Variants in SZT2 observed in about 807,000 individuals in gnomAD.
The protein encoded by SZT2 is KICSTOR complex protein SZT2.
SZT2 carries 216 observed loss-of-function variants against 404.2 expected under a neutral mutation model. The observed-to-expected ratio is 0.53, with a 90% confidence interval of 0.48 to 0.60. SZT2 has a LOEUF of 0.60. Among genes scored for constraint, SZT2 ranks in the 20% least tolerant of loss-of-function variants. The pLI, the probability that SZT2 is intolerant of heterozygous loss-of-function variation, is 0.00. For synonymous variants in SZT2, 1,693 were observed against 1,749.9 expected (o/e 0.97, Z 0.81); for missense variants, 3,857 against 4,459.2 (o/e 0.86, Z 3.85).
chr1:43,428,644 T>C, intron 28 of SZT2, 158 bp downstream of exon 28: 1 of 1,020,970 alleles, frequency 9.8e-7, no homozygotes, highest in Non-Finnish European at 1.4e-6. Flanking sequence ...CATGCAGCCT[T>C]CCTCACCAAT....
intron 62 of SZT2, among the ~76,000 whole-genome samples, chr1:43,444,664 C>A (rs944983209): frequency 6.6e-6 from 1 of 152,152 alleles, no homozygotes; most frequent in Non-Finnish European, 1.5e-5. Context: ...CTCCCCTGAG[C>A]TCAGGGACAA....
At position 43,416,018 on chromosome 1, in the gene SZT2, T is replaced by C. The variant is rs1651680621; in HGVS notation, c.689T>C (p.Met230Thr). 1 of 1,598,238 alleles carries C rather than the reference T, an allele frequency of 6.3e-7. No individual in the cohort carries two copies. Among genetic ancestry groups the C allele is most frequent in the African/African-American group, 1.3e-5 (1 of 74,924 alleles). ...CTGGGCCGGAAGGTAGGCGTCTCCA[T>C]GGTGACAGCTGATCTTGGGCTGGTC... is the stretch of plus-strand genomic sequence containing the variant. Reference protein sequence around the residue: ...DLLGRKVGVSMVTADLGLVSM... With the variant: ...DLLGRKVGVSTVTADLGLVSM... Residue 230 changes from methionine (M) to threonine (T), a missense_variant, in exon 6 of 72, where the codon ATG becomes ACG. Physicochemically the swap from Met to Thr is moderately conservative, Grantham distance 81. Transcript: ENST00000634258.
In SZT2 at chr1:43,427,620, C is replaced by T. The variant is rs553638915; in HGVS notation, c.3689C>T (p.Ala1230Val). The T allele has an allele frequency of 2.4e-5, 38 of 1,614,094 alleles. No individual in the cohort carries two copies. The highest frequency in any genetic ancestry group is 7.7e-5 in the South Asian group (7 of 91,092). The change falls in exon 26 of 72, where the codon GCG (alanine) becomes GTG (valine). Residue 1230 changes from alanine (A) to valine (V), a missense_variant. Physicochemically the swap from Ala to Val is moderately conservative, Grantham distance 64. Coordinates refer to ENST00000634258, the MANE Select transcript of SZT2 (RefSeq NM_001365999.1). The part of the protein sequence containing the change: ...AGRQASQTES[A>V]DGPRTRCPVY... Reference sequence around the variant, plus strand: ...CGTCAGGCTTCCCAGACAGAGAGTGCGGATGGGCCCCGGACCCGGTGTCCT... The same window carrying T: ...CGTCAGGCTTCCCAGACAGAGAGTGTGGATGGGCCCCGGACCCGGTGTCCT...
chr1:43,410,538 GA>G (rs1650897830), intron 4 of SZT2: 1 of 114,944 alleles, frequency 8.7e-6, no homozygotes, highest in Non-Finnish European at 1.7e-5. Flanking sequence ...CTGGCCGACA[GA>G]GTAAGACTCT....
intron 1 of SZT2, among the ~76,000 whole-genome samples, chr1:43,400,571 T>C (rs958235059): frequency 3.9e-5 from 6 of 152,182 alleles, no homozygotes; most frequent in African/African-American, 1.4e-4. Flanking sequence ...TGAGCTTACT[T>C]AGGTAAAAAA....
At position 43,451,821 on chromosome 1, in the gene SZT2, T is replaced by C. The variant is rs758908757; in HGVS notation, c.*1341T>C. 1.2e-6 allele frequency: 2 copies of C among 1,614,056 alleles called. No individual in the cohort carries two copies. Among genetic ancestry groups the C allele is most frequent in the Non-Finnish European group, 1.7e-6 (2 of 1,179,962 alleles). The stretch of plus-strand genomic sequence containing the variant: ...ACCATTTGTAATTGGAGGTTGGGTC[T>C]TCCTACCTTCTGTAAGATGGCTGCC... On this transcript the variant is annotated 3_prime_UTR_variant, in exon 72 of 72. Coordinates refer to ENST00000634258, the MANE Select transcript of SZT2 (RefSeq NM_001365999.1).
chr1:43,389,912 C>G lies in SZT2; in HGVS notation c.-57C>G. 6.5e-7 allele frequency: 1 copy of G among 1,547,454 alleles called. No individual in the cohort carries two copies. Among genetic ancestry groups the G allele is most frequent in the Non-Finnish European group, 8.7e-7 (1 of 1,148,372 alleles). ...CTGCTGGGTGCCGAGGTAGCGAGGT[C>G]AGGGGTCAAGAGTGGAACACCCTCA... On this transcript the variant is annotated 5_prime_UTR_variant, in exon 1 of 72. Coordinates refer to ENST00000634258, the MANE Select transcript of SZT2 (RefSeq NM_001365999.1).
chr1:43,422,947 C>T, intron 14 of SZT2, 64 bp downstream of exon 14: 1 of 1,510,010 alleles, frequency 6.6e-7, no homozygotes, highest in Non-Finnish European at 8.9e-7. Context: ...TCCCTCTCCC[C>T]AAACCCCACA....
At chr1:43,408,951 C>T (rs149876103) in intron 4 of SZT2, among the ~76,000 whole-genome samples, 3 of 152,046 alleles carry the variant, frequency 2.0e-5, no homozygotes, top group South Asian at 2.1e-4. Flanking sequence ...GCAGGTTGTA[C>T]GAGTGTGATG....
At chr1:43,393,995 T>G in intron 1 of SZT2, 1 of 727,652 alleles carries the variant, frequency 1.4e-6, no homozygotes, top group Non-Finnish European at 1.7e-6. Context: ...CAGATTTGAA[T>G]CCAGGTCCCT....
chr1:43,448,714 G>A lies in SZT2; in HGVS notation c.10072G>A (p.Gly3358Arg), dbSNP rs1656002483. Residue 3358 changes from glycine to arginine, a missense_variant, in exon 70 of 72, where the codon GGA becomes AGA. Physicochemically the swap from Gly to Arg is moderately radical, Grantham distance 125. Around this residue, in one of 7 missense-constraint regions of SZT2, gnomAD observed 717 missense variants for 868.2 expected, o/e 0.83. Coordinates refer to ENST00000634258, the MANE Select transcript of SZT2 (RefSeq NM_001365999.1). This position sits in a 1 kb window ranked among gnomAD's most constrained non-coding sequence, Gnocchi z 4.2. Reference sequence around the variant, plus strand: ...TCGCCATTTCCAAAGCCCAGACTTGGGAACTCAGTACCTGGTAAGTCCCCT... The same window carrying A: ...TCGCCATTTCCAAAGCCCAGACTTGAGAACTCAGTACCTGGTAAGTCCCCT... Reference protein sequence around the residue: ...SCRHFQSPDLGTQYLVVLNQK... With the variant: ...SCRHFQSPDLRTQYLVVLNQK... 6.2e-7 allele frequency: 1 copy of A among 1,614,208 alleles called. No individual in the cohort carries two copies. The highest frequency in any genetic ancestry group is 8.5e-7 in the Non-Finnish European group (1 of 1,180,034).
At position 43,435,304 on chromosome 1, in the gene SZT2, T is replaced by A; in HGVS notation, c.6009T>A (p.Arg2003=). Residue 2003 remains arginine, a synonymous_variant, in exon 42 of 72, where the codon CGT becomes CGA. Transcript: ENST00000634258. The part of the protein sequence containing the change: ...LWRSETPFHS[R]QRAPLPSDDY... ...GCAGTGAGACTCCCTTCCACTCCCG[T>A]CAGCGGGCACCACTGCCCAGTGATG... 1 of 1,614,154 alleles carries A rather than the reference T, an allele frequency of 6.2e-7. No individual in the cohort carries two copies. The highest frequency in any genetic ancestry group is 8.5e-7 in the Non-Finnish European group (1 of 1,180,012).
rs558061766 is a variant in SZT2 at position 43,426,888 on chromosome 1, A to G, written c.3309+79A>G. 5.8e-5 allele frequency: 90 copies of G among 1,559,552 alleles called. No homozygotes were observed. In the Middle Eastern group the frequency reaches 2.0e-3, roughly 35 times the overall value. ...CCACATCTTCAGGCCCCAACCTTCT[A>G]CCGCCCTTGAGACTAAATGGCATCT... On this transcript the variant is annotated intron_variant, in intron 23 of 71. Transcript: ENST00000634258. This position sits in a 1 kb window ranked among gnomAD's most constrained non-coding sequence, Gnocchi z 4.9.
At position 43,431,379 on chromosome 1, in the gene SZT2, C is replaced by A. The variant is rs764960576; in HGVS notation, c.5024+7C>A. 5 of 1,611,956 alleles carry A rather than the reference C, an allele frequency of 3.1e-6. No homozygotes were observed. The African/African-American group carries it at 6.7e-5, about 22-fold the overall frequency. On this transcript the variant is annotated splice_region_variant and intron_variant, in intron 34 of 71. Coordinates refer to ENST00000634258, the MANE Select transcript of SZT2 (RefSeq NM_001365999.1). The stretch of plus-strand genomic sequence containing the variant: ...CACCCCCAGAAGAGGAGAGGTACTT[C>A]TTTATCTCCCTGTCAGAGTTCATTA...
chr1:43,429,495 AAAG>A, intron 28 of SZT2: 1 of 583,360 alleles, frequency 1.7e-6, no homozygotes. Context: ...GTCCCAAAAA[AAAG>A]GAAAGAAAAA....
At position 43,427,638 on chromosome 1, in the gene SZT2, G is replaced by T. The variant is rs772947307; in HGVS notation, c.3707G>T (p.Arg1236Leu). Residue 1236 changes from arginine to leucine, a missense_variant, in exon 26 of 72, where the codon CGG becomes CTG. By Grantham distance (102) the Arg-to-Leu change is moderately radical. Around this residue, in one of 7 missense-constraint regions of SZT2, gnomAD observed 1,725 missense variants for 1,881.0 expected, o/e 0.92. Transcript: ENST00000634258. ...GAGAGTGCGGATGGGCCCCGGACCC[G>T]GTGTCCTGTCTACATCTACAGCTGT... ...QTESADGPRT[R>L]CPVYIYSCSL... The T allele has an allele frequency of 6.2e-7, 1 of 1,614,122 alleles. No homozygotes were observed. The highest frequency in any genetic ancestry group is 2.2e-5 in the East Asian group (1 of 44,864).
In SZT2 at chr1:43,428,064, G is replaced by A. The variant is rs2153933492; in HGVS notation, c.3865G>A (p.Ala1289Thr). ...SAWMEPRYKEAANHCALLQEH... is the reference protein window; with the variant it reads ...SAWMEPRYKETANHCALLQEH... ...CTGGATGGAACCCCGGTACAAGGAG[G>A]CAGCTAACCACTGTGCCCTGCTGCA... is the stretch of plus-strand genomic sequence containing the variant. The change falls in exon 27 of 72, where the codon GCA (alanine) becomes ACA (threonine). Residue 1289 changes from alanine (A) to threonine (T), a missense_variant. Physicochemically the swap from Ala to Thr is moderately conservative, Grantham distance 58. This residue lies in a region of SZT2 where 1,725 missense variants were observed against 1,881.0 expected (regional missense o/e 0.92). Transcript: ENST00000634258. 3 of 1,614,178 alleles carry A rather than the reference G, an allele frequency of 1.9e-6. No individual in the cohort carries two copies. Among genetic ancestry groups the A allele is most frequent in the South Asian group, 1.1e-5 (1 of 91,084 alleles).
intron 1 of SZT2, among the ~76,000 whole-genome samples, chr1:43,396,722 T>C (rs960491700): frequency 1.3e-5 from 2 of 152,254 alleles, no homozygotes; most frequent in Non-Finnish European, 2.9e-5. Context: ...ACACTTTCTT[T>C]CTGTAACACT....
chr1:43,445,479 C>T (rs1201096692), intron 62 of SZT2: 7 of 246,368 alleles, frequency 2.8e-5, no homozygotes, highest in Non-Finnish European at 7.9e-6. Context: ...CTCTGAAAGC[C>T]TGGAACTGCC....
Sources: gnomAD v4.1 joint callset for allele counts (sites outside exome capture counted in the v4.1 genomes callset) on GRCh38, gnomAD v4.1.1 for gene constraint, gnomAD v4.1.1 regional missense constraint, Gnocchi (gnomAD v3.1) non-coding constraint, MANE v1.5 for transcripts, NCBI Gene and HGNC (gene_info 2026-07-23, HGNC 2026-07-21) for gene names.